COL9A1: variants seen among roughly 807,000 people sequenced by gnomAD.
COL9A1 encodes collagen alpha-1(IX) chain.
A neutral mutation model predicts 142.6 loss-of-function variants in COL9A1; 104 were observed. The ratio of observed to expected loss-of-function variants is 0.73; its 90% CI spans 0.62 to 0.86. The LOEUF is 0.86. Among genes scored for constraint, COL9A1 ranks in the 40% least tolerant of loss-of-function variants. The pLI, the probability that COL9A1 is intolerant of heterozygous loss-of-function variation, is 0.00. For missense variants in COL9A1, 1,210 were observed against 1,176.6 expected (o/e 1.03, Z -0.42); for synonymous variants, 466 against 396.0 (o/e 1.18, Z -2.10).
At chr6:70,227,878 C>T (rs937149977) in intron 36 of COL9A1, among the ~76,000 whole-genome samples, 2 of 152,044 alleles carry the variant, frequency 1.3e-5, no homozygotes, top group African/African-American at 4.8e-5. Context: ...AGTTCCAGAA[C>T]ACTTGCTAAA....
At chr6:70,245,351 A>G (rs1770526535) in intron 28 of COL9A1, among the ~76,000 whole-genome samples, 1 of 152,230 alleles carries the variant, frequency 6.6e-6, no homozygotes, top group African/African-American at 2.4e-5. Context: ...AGCATGTGGG[A>G]GTTATTTATA....
Position 70,274,096 on chromosome 6 carries a change from T to C in COL9A1, c.1030-14A>G, listed in dbSNP as rs1562319285. The C allele has an allele frequency of 2.5e-6, 4 of 1,586,816 alleles. No individual in the cohort carries two copies. Among genetic ancestry groups the C allele is most frequent in the Non-Finnish European group, 3.4e-6 (4 of 1,163,658 alleles). On this transcript the variant is annotated splice_polypyrimidine_tract_variant and intron_variant, in intron 11 of 37. Transcript: ENST00000357250. ...ACCAGGTTCTCCCTAAAAATAAAAA[T>C]AGTTTCATTGTACTGACCTTTCATA...
At chr6:70,275,330 C>G (rs1772686343) in intron 10 of COL9A1, among the ~76,000 whole-genome samples, 1 of 152,102 alleles carries the variant, frequency 6.6e-6, no homozygotes, top group Non-Finnish European at 1.5e-5. Flanking sequence ...CTAGCAATGA[C>G]AATTGCTTAT....
At chr6:70,228,306 C>T (rs1215050012) in intron 36 of COL9A1, among the ~76,000 whole-genome samples, 2 of 151,976 alleles carry the variant, frequency 1.3e-5, no homozygotes, top group African/African-American at 4.8e-5. Flanking sequence ...TTATCCCAGC[C>T]CCTGAAGATA....
intron 21 of COL9A1, 119 bp downstream of exon 21, chr6:70,256,649 T>C: frequency 1.4e-6 from 1 of 718,462 alleles, no homozygotes. Flanking sequence ...AACATATATA[T>C]ATAAATTGTC....
At chr6:70,277,355 AT>A (rs1347924631) in intron 10 of COL9A1, among the ~76,000 whole-genome samples, 2 of 152,114 alleles carry the variant, frequency 1.3e-5, no homozygotes, top group African/African-American at 4.8e-5. Flanking sequence ...AAAAAAAAAA[AT>A]CAACTTAACC....
At chr6:70,244,392 A>T (rs1308888213) in intron 28 of COL9A1, among the ~76,000 whole-genome samples, 1 of 152,196 alleles carries the variant, frequency 6.6e-6, no homozygotes, top group African/African-American at 2.4e-5. Context: ...TATAAATATA[A>T]AAATTGGGTT....
intron 29 of COL9A1, 47 bp downstream of exon 29, chr6:70,242,615 T>C: frequency 1.3e-6 from 2 of 1,501,834 alleles, no homozygotes; most frequent in Non-Finnish European, 1.9e-6. Flanking sequence ...TTTTTAAAAA[T>C]GCATTGTGTT....
chr6:70,231,719 A>AT (rs1394440575), intron 36 of COL9A1, among the ~76,000 whole-genome samples: 2 of 151,788 alleles, frequency 1.3e-5, no homozygotes, highest in Admixed American at 6.6e-5. Flanking sequence ...AGTACTTAAA[A>AT]AAAAAAAAAA....
At chr6:70,280,488 C>G in intron 10 of COL9A1, 1 of 1,314,064 alleles carries the variant, frequency 7.6e-7, no homozygotes, top group Non-Finnish European at 9.7e-7. Context: ...GCCATCCGTA[C>G]CCCCTCTGGC....
intron 19 of COL9A1, 46 bp from the exon 20 acceptor site, chr6:70,260,756 G>T (rs1052255967): frequency 3.1e-6 from 5 of 1,595,384 alleles, no homozygotes; most frequent in Non-Finnish European, 4.3e-6. Flanking sequence ...TTGAAGCAAA[G>T]ATTTTTAAAA....
chr6:70,267,948 T>C (rs1459630120), intron 17 of COL9A1, among the ~76,000 whole-genome samples: 1 of 152,154 alleles, frequency 6.6e-6, no homozygotes, highest in African/African-American at 2.4e-5. Context: ...CAGAGCTCCA[T>C]TGGTCTGGAA....
intron 15 of COL9A1, among the ~76,000 whole-genome samples, chr6:70,270,057 G>A (rs868630018): frequency 6.6e-6 from 1 of 152,158 alleles, no homozygotes; most frequent in South Asian, 2.1e-4. Flanking sequence ...TTGAGCATTT[G>A]AGACATCACA....
At chr6:70,227,295 C>A in intron 36 of COL9A1, among the ~76,000 whole-genome samples, 1 of 150,966 alleles carries the variant, frequency 6.6e-6, no homozygotes, top group African/African-American at 2.4e-5. Context: ...ACAAAAAGGC[C>A]AACAACACAA....
chr6:70,259,478 A>C (rs2127580433), intron 20 of COL9A1, among the ~76,000 whole-genome samples: 1 of 152,018 alleles, frequency 6.6e-6, no homozygotes, highest in African/African-American at 2.4e-5. Flanking sequence ...ACCCCTACAC[A>C]CCCTACACAC....
chr6:70,258,135 T>C (rs1771442568), intron 20 of COL9A1, among the ~76,000 whole-genome samples: 1 of 152,218 alleles, frequency 6.6e-6, no homozygotes, highest in African/African-American at 2.4e-5. Context: ...AATCAAAATG[T>C]GATATTAAGA....
chr6:70,299,989 AT>A lies in COL9A1; in HGVS notation c.299+53del, dbSNP rs1179284594. On this transcript the variant is annotated intron_variant, in intron 4 of 37. Transcript: ENST00000357250. ...AAACTCTAACATTGGATAGCTATCC[AT>A]TTTTAATGCATTTGAGTCAGATAAT... 3.3e-6 allele frequency: 5 copies of A among 1,532,086 alleles called. No homozygotes were observed. In the African/African-American group the frequency reaches 4.1e-5, roughly 13 times the overall value. 94.9% of individuals were successfully genotyped at this position (1,532,086 alleles called of 1,614,324 possible). A position where few individuals can be genotyped will look rare whatever the true frequency, so the allele number is the denominator to read the frequency against.
Position 70,260,660 on chromosome 6 carries a change from T to C in COL9A1, c.1446A>G (p.Glu482=). 6.2e-7 allele frequency: 1 copy of C among 1,613,850 alleles called. No homozygotes were observed. Among genetic ancestry groups the C allele is most frequent in the East Asian group, 2.2e-5 (1 of 44,874 alleles). ...ATTATTGTCATCACCATCTTACTTT[T>C]TCCCCTTTGTCCCCAACTATGCCGG... ...GITGIVGDKG[E]KGARGLDGEP... is the part of the protein sequence containing the mutation. The change falls in exon 20 of 38, where the codon GAA becomes GAG. Residue 482 remains glutamate, a synonymous_variant. Transcript: ENST00000357250.
intron 18 of COL9A1, among the ~76,000 whole-genome samples, chr6:70,263,780 C>T (rs1298746793): frequency 1.3e-5 from 2 of 151,488 alleles, no homozygotes; most frequent in Admixed American, 1.3e-4. Flanking sequence ...ATTTTTGCAC[C>T]ATATACAATA....
Sources: gnomAD v4.1 joint callset for allele counts (sites outside exome capture counted in the v4.1 genomes callset) on GRCh38, gnomAD v4.1.1 for gene constraint, MANE v1.5 for transcripts, NCBI Gene and HGNC (gene_info 2026-07-23, HGNC 2026-07-21) for gene names.